Variants in PTPN2 observed in about 807,000 individuals in gnomAD.
The protein encoded by PTPN2 is protein tyrosine phosphatase non-receptor type 2, also known as tyrosine-protein phosphatase non-receptor type 2.
Under a neutral mutation model 57.3 loss-of-function variants are expected in PTPN2, and 19 were observed. The ratio of observed to expected loss-of-function variants is 0.33; its 90% CI spans 0.23 to 0.49. The LOEUF (loss-of-function observed/expected upper bound fraction) is 0.49. PTPN2 is among the 20% of genes least tolerant of loss of function. The probability of loss-of-function intolerance (pLI) is 0.99; values close to 1 mark genes in which losing one functional copy is unlikely to be tolerated. For synonymous variants in PTPN2, 153 were observed against 164.9 expected, an observed-to-expected ratio of 0.93 and a Z score of 0.55; for missense variants, 358 against 501.1, an observed-to-expected ratio of 0.71 and a Z score of 2.73.
chr18:12,858,004 T>C (rs547468923), intron 2 of PTPN2, among the ~76,000 whole-genome samples: 1 of 152,226 alleles, frequency 6.6e-6, no homozygotes, highest in Non-Finnish European at 1.5e-5. Flanking sequence ...ATTCTATTCA[T>C]GTAAGAATAA....
chr18:12,807,673 G>C (rs1482317033), intron 7 of PTPN2, among the ~76,000 whole-genome samples: 2 of 143,942 alleles, frequency 1.4e-5, no homozygotes, highest in Non-Finnish European at 3.0e-5. Flanking sequence ...GATGAAACTG[G>C]AGGACATTAA....
At chr18:12,854,137 C>A (rs1418439405) in intron 2 of PTPN2, among the ~76,000 whole-genome samples, 1 of 151,890 alleles carries the variant, frequency 6.6e-6, no homozygotes, top group East Asian at 1.9e-4. Context: ...GGCAGGTGGA[C>A]TACATGAGTC....
rs11080608 is a variant in PTPN2 at position 12,875,294 on chromosome 18, G to A, written c.69+8779C>T. Among the ~76,000 whole-genome samples the A allele has an allele frequency of 5.5e-3, 776 of 140,958 alleles. 13 individuals carry two copies. The East Asian group carries it at 0.056, about 10-fold the overall frequency. The allele number at this position is 140,958 out of a possible 152,430, so 92.5% of individuals were successfully genotyped here. On this transcript the variant is annotated intron_variant, in intron 1 of 8. Transcript: ENST00000309660. ...ATCCCTCTCTGTGAGAAACACCCAA[G>A]AATGATCAATAAAAATAAAAATTAA...
At chr18:12,872,715 T>C (rs1365747601) in intron 1 of PTPN2, among the ~76,000 whole-genome samples, 2 of 152,236 alleles carry the variant, frequency 1.3e-5, no homozygotes, top group Non-Finnish European at 2.9e-5. Context: ...CTCATAAACA[T>C]GTTTCATCTT....
At chr18:12,848,808 T>G (rs2043297787) in intron 2 of PTPN2, among the ~76,000 whole-genome samples, 1 of 152,258 alleles carries the variant, frequency 6.6e-6, no homozygotes, top group South Asian at 2.1e-4. Flanking sequence ...TTTGGGGTGG[T>G]TTGTTATATA....
intron 1 of PTPN2, among the ~76,000 whole-genome samples, chr18:12,874,240 C>T (rs1225329885): frequency 3.0e-4 from 43 of 144,610 alleles, no homozygotes; most frequent in Middle Eastern, 3.7e-3. Flanking sequence ...CCGCCCCGTC[C>T]GGGAGGGAGG....
At chr18:12,866,893 T>G (rs1414382747) in intron 1 of PTPN2, among the ~76,000 whole-genome samples, 1 of 151,926 alleles carries the variant, frequency 6.6e-6, no homozygotes, top group African/African-American at 2.4e-5. Flanking sequence ...TAGTCCCAGC[T>G]ACTCGGGACA....
In PTPN2 at chr18:12,878,006, G is replaced by A. The variant is rs147278463; in HGVS notation, c.69+6067C>T. On this transcript the variant is annotated intron_variant, in intron 1 of 8. Transcript: ENST00000309660. ...GATGACGCCACTGCACTCCAGCCTG[G>A]GCAACAGAGCAAGACTGTCTCAAAA... Among the ~76,000 whole-genome samples, 40 of 151,230 alleles carry A rather than the reference G, an allele frequency of 2.6e-4. No homozygotes were observed. The East Asian group carries it at 7.7e-3, about 29-fold the overall frequency.
intron 8 of PTPN2, among the ~76,000 whole-genome samples, chr18:12,801,643 C>T (rs1057235893): frequency 5.9e-5 from 9 of 152,152 alleles, no homozygotes; most frequent in African/African-American, 2.2e-4. Flanking sequence ...TGTCAGCTCA[C>T]TGCAACCTCG....
chr18:12,854,372 A>AAG (rs1225407509), intron 2 of PTPN2, among the ~76,000 whole-genome samples: 10 of 149,728 alleles, frequency 6.7e-5, no homozygotes, highest in Non-Finnish European at 1.3e-4. Flanking sequence ...AAAAAAAAAA[A>AAG]AAAGAAAAAA....
rs555343087 is a variant in PTPN2, at chr18:12,829,435, G to A, written c.360+1508C>T. Among the ~76,000 whole-genome samples, 14 of 147,900 alleles carry A rather than the reference G, an allele frequency of 9.5e-5. No individual in the cohort carries two copies. In the South Asian group the frequency reaches 2.6e-3, roughly 27 times the overall value. On this transcript the variant is annotated intron_variant, in intron 4 of 8. Transcript: ENST00000309660. ...CGGGAGAATCTCTTGAACCCGGGAA[G>A]TGGAGGCTGCAGTGAGCTGAAATCA...
chr18:12,810,111 G>C (rs575215447), intron 7 of PTPN2, among the ~76,000 whole-genome samples: 55 of 152,320 alleles, frequency 3.6e-4, no homozygotes, highest in African/African-American at 1.3e-3. Context: ...GAACCCGGGA[G>C]GCCGAGGTTG....
At chr18:12,837,541 T>A (rs944394039) in intron 2 of PTPN2, among the ~76,000 whole-genome samples, 1 of 152,316 alleles carries the variant, frequency 6.6e-6, no homozygotes, top group South Asian at 2.1e-4. Flanking sequence ...AATTTAAATA[T>A]GTGAAATACA....
In PTPN2 at chr18:12,792,331, G is replaced by A. The variant is rs187376859; in HGVS notation, c.*1947C>T. 1 of 706,254 alleles carries A rather than the reference G, an allele frequency of 1.4e-6. No individual in the cohort carries two copies. The highest frequency in any genetic ancestry group is 1.7e-6 in the Non-Finnish European group (1 of 579,476). 43.7% of individuals were successfully genotyped at this position (706,254 alleles called of 1,614,324 possible). On this transcript the variant is annotated 3_prime_UTR_variant, in exon 9 of 9. Transcript: ENST00000309660. ...CGAAGTCTTGCTCTGTTGCCAGGCTGGAGTGCAGTGGTGCAATCTCGGCTC... is the reference window on the plus strand; with the variant it reads ...CGAAGTCTTGCTCTGTTGCCAGGCTAGAGTGCAGTGGTGCAATCTCGGCTC...
intron 1 of PTPN2, among the ~76,000 whole-genome samples, chr18:12,876,233 A>G (rs1487943904): frequency 6.7e-6 from 1 of 149,786 alleles, no homozygotes; most frequent in Non-Finnish European, 1.5e-5. Flanking sequence ...AGCCAAGGTG[A>G]GCAGACCACT....
chr18:12,819,511 C>T (rs1402737121), intron 5 of PTPN2, among the ~76,000 whole-genome samples: 1 of 151,944 alleles, frequency 6.6e-6, no homozygotes. Context: ...TGTACACAAG[C>T]AACACAAGAA....
At position 12,818,003 on chromosome 18, in the gene PTPN2, G is replaced by A. The variant is rs113942270; in HGVS notation, c.496-638C>T. On this transcript the variant is annotated intron_variant, in intron 5 of 8. Coordinates refer to ENST00000309660, the MANE Select transcript of PTPN2 (RefSeq NM_002828.4). ...TAAAAATACAAAAAATTAGCCAGGC[G>A]TGGTGGCGCGTGCCTGTAATCTCAG... Among the ~76,000 whole-genome samples, 317 of 152,126 alleles carry A rather than the reference G, an allele frequency of 2.1e-3. 2 individuals carry two copies. Among genetic ancestry groups the A allele is most frequent in the South Asian group, 5.4e-3 (26 of 4,814 alleles).
chr18:12,840,618 C>T (rs964562088), intron 2 of PTPN2: 9 of 1,356,954 alleles, frequency 6.6e-6, no homozygotes, highest in Admixed American at 2.0e-5. Flanking sequence ...ATGGATCACA[C>T]CCATCGCACT....
intron 7 of PTPN2, among the ~76,000 whole-genome samples, chr18:12,808,888 A>C (rs1434483169): frequency 6.6e-6 from 1 of 152,262 alleles, no homozygotes; most frequent in Non-Finnish European, 1.5e-5. Flanking sequence ...TTTTGCTTGA[A>C]TCTTAATCCA....
Sources: allele counts gnomAD v4.1 joint callset (sites outside exome capture counted in the v4.1 genomes callset), GRCh38; gene constraint gnomAD v4.1.1; transcripts MANE v1.5; gene names NCBI Gene and HGNC (gene_info 2026-07-23, HGNC 2026-07-21).